Variants in GEM observed in about 807,000 individuals in gnomAD.
The protein encoded by GEM is GTP binding protein overexpressed in skeletal muscle.
Under a neutral mutation model 33.0 loss-of-function variants are expected in GEM, and 31 were observed. The observed-to-expected ratio is 0.94, with a 90% CI of 0.71 to 1.27. The LOEUF (loss-of-function observed/expected upper bound fraction) is 1.27, where lower values mean the gene tolerates loss of function less well. Ranked by LOEUF, GEM falls within the 50% of genes most tolerant of loss-of-function variation. The pLI is 0.00. For synonymous variants in GEM, 141 were observed against 143.7 expected, an observed-to-expected ratio of 0.98 and a Z score of 0.13; for missense variants, 354 against 390.5, an observed-to-expected ratio of 0.91 and a Z score of 0.79.
At position 94,257,476 on chromosome 8, in the gene GEM, C is replaced by T. The variant is rs961956189; in HGVS notation, c.331+2697G>A. Reference sequence around the variant, plus strand: ...GGATTACAGGCATGAGCCACCATGCCGGGCCAACCATGAAGCTCTTAAATC... The same window carrying T: ...GGATTACAGGCATGAGCCACCATGCTGGGCCAACCATGAAGCTCTTAAATC... On this transcript the variant is annotated intron_variant, in intron 2 of 4. Transcript: ENST00000297596. 1.2e-4 allele frequency among the ~76,000 whole-genome samples: 19 copies of T among 152,338 alleles called. No homozygotes were observed. In the East Asian group the frequency reaches 3.5e-3, roughly 28 times the overall value.
chr8:94,260,525 G>A lies in GEM; in HGVS notation c.-9-13C>T. 6.6e-7 allele frequency: 1 copy of A among 1,517,786 alleles called. No homozygotes were observed. Among genetic ancestry groups the A allele is most frequent in the Non-Finnish European group, 9.0e-7 (1 of 1,109,428 alleles). The allele number at this position is 1,517,786 out of a possible 1,614,324, so 94.0% of individuals were successfully genotyped here. On this transcript the variant is annotated splice_polypyrimidine_tract_variant and intron_variant, in intron 1 of 4. Coordinates refer to ENST00000297596, the MANE Select transcript of GEM (RefSeq NM_005261.4). ...TCATCGTTGAGTCCTGGGGAGCAAA[G>A]CAGCCAAGATGGCAGCATTAGTAAG...
At chr8:94,257,240 G>C (rs1270994181) in intron 2 of GEM, among the ~76,000 whole-genome samples, 1 of 151,880 alleles carries the variant, frequency 6.6e-6, no homozygotes, top group Non-Finnish European at 1.5e-5. Flanking sequence ...GAGTGCAATG[G>C]TGAGATCTCG....
chr8:94,254,421 C>T (rs533689661), intron 2 of GEM, among the ~76,000 whole-genome samples: 17 of 152,228 alleles, frequency 1.1e-4, no homozygotes, highest in African/African-American at 3.1e-4. Context: ...TGGGGGTCTA[C>T]GCAACTTAGG....
chr8:94,260,422 C>T lies in GEM; in HGVS notation c.82G>A (p.Gly28Ser). 1.2e-6 allele frequency: 2 copies of T among 1,614,008 alleles called. No individual in the cohort carries two copies. The highest frequency in any genetic ancestry group is 1.7e-6 in the Non-Finnish European group (2 of 1,179,970). Residue 28 changes from glycine to serine, a missense_variant, in exon 2 of 5, where the codon GGC (glycine) becomes AGC (serine). Coordinates refer to ENST00000297596, the MANE Select transcript of GEM (RefSeq NM_005261.4). Reference sequence around the variant, plus strand: ...TCTTTCTGGACCATCAGATGCCTGCCATCAGCTGGGATGCTCCAGCGCTGC... The same window carrying T: ...TCTTTCTGGACCATCAGATGCCTGCTATCAGCTGGGATGCTCCAGCGCTGC... ...QQQRWSIPAD[G>S]RHLMVQKEPH... is the part of the protein sequence containing the mutation.
Position 94,260,271 on chromosome 8 carries a change from A to G in GEM, c.233T>C (p.Val78Ala). The change falls in exon 2 of 5, where the codon GTG (valine) becomes GCG (alanine). Residue 78 changes from valine (V) to alanine (A), a missense_variant. Transcript: ENST00000297596. ...CACCCCCTGCTCCCCTATGAGCACC[A>G]CTCGGTAGTAGGTGTTCCCTGACTC... ...SSESGNTYYR[V>A]VLIGEQGVGK... is the part of the protein sequence containing the mutation. 6.2e-7 allele frequency: 1 copy of G among 1,613,512 alleles called. No homozygotes were observed. Among genetic ancestry groups the G allele is most frequent in the South Asian group, 1.1e-5 (1 of 91,066 alleles).
At chr8:94,253,325 T>C (rs1473568031) in intron 2 of GEM, among the ~76,000 whole-genome samples, 2 of 152,308 alleles carry the variant, frequency 1.3e-5, no homozygotes, top group East Asian at 3.9e-4. Context: ...CAGCAGAACG[T>C]CTCTCTCGAA....
intron 3 of GEM, among the ~76,000 whole-genome samples, chr8:94,252,804 T>C (rs2129755084): frequency 6.6e-6 from 1 of 152,314 alleles, no homozygotes; most frequent in South Asian, 2.1e-4. Flanking sequence ...TTTGGGTGTG[T>C]TTTTTAATAG....
intron 2 of GEM, among the ~76,000 whole-genome samples, chr8:94,254,268 G>C (rs1808839885): frequency 6.6e-6 from 1 of 152,118 alleles, no homozygotes; most frequent in Non-Finnish European, 1.5e-5. Flanking sequence ...TTGCATCTAT[G>C]CTGTTTACTG....
Position 94,260,264 on chromosome 8 carries a change from G to A in GEM, c.240C>T (p.Leu80=). Residue 80 remains leucine (L), a synonymous_variant, in exon 2 of 5, where the codon CTC becomes CTT. Coordinates refer to ENST00000297596, the MANE Select transcript of GEM (RefSeq NM_005261.4). ...ACTTGCCCACCCCCTGCTCCCCTAT[G>A]AGCACCACTCGGTAGTAGGTGTTCC... ...ESGNTYYRVV[L]IGEQGVGKST... is the part of the protein sequence containing the mutation. The A allele has an allele frequency of 6.2e-7, 1 of 1,614,054 alleles. No individual in the cohort carries two copies. Among genetic ancestry groups the A allele is most frequent in the South Asian group, 1.1e-5 (1 of 91,078 alleles).
chr8:94,260,001 T>C lies in GEM; in HGVS notation c.331+172A>G, dbSNP rs1808979406. The C allele has an allele frequency of 3.3e-5, 18 of 547,132 alleles. No individual in the cohort carries two copies. The South Asian group carries it at 4.8e-4, about 15-fold the overall frequency. The allele number at this position is 547,132 out of a possible 1,614,324, so 33.9% of individuals were successfully genotyped here. A position where few individuals can be genotyped will look rare whatever the true frequency, so the allele number is the denominator to read the frequency against. ...GTCCTGTCTACAAGCATTTTCATTT[T>C]CTTGCCCGAAAGCCTGTGCTTGGGC... On this transcript the variant is annotated intron_variant, in intron 2 of 4. Transcript: ENST00000297596.
intron 2 of GEM, among the ~76,000 whole-genome samples, chr8:94,254,719 T>C (rs1245605446): frequency 6.6e-6 from 1 of 152,164 alleles, no homozygotes; most frequent in Middle Eastern, 3.2e-3. Context: ...TAATGCTTCA[T>C]CATCTAAGAA....
Position 94,250,426 on chromosome 8 carries a change from T to C in GEM, c.775A>G (p.Lys259Glu), listed in dbSNP as rs1416532243. Reference sequence around the variant, plus strand: ...CTGGCTTTCCTGGGCATGCTCTCCTTCCTTTTCTGGTAGGCCAGCCGCCGT... The same window carrying C: ...CTGGCTTTCCTGGGCATGCTCTCCTCCCTTTTCTGGTAGGCCAGCCGCCGT... ...NERRLAYQKR[K>E]ESMPRKARRF... The change falls in exon 5 of 5, where the codon AAG (lysine) becomes GAG (glutamate). Residue 259 changes from lysine to glutamate, a missense_variant. Lys to Glu is a moderately conservative substitution (Grantham distance 56). Transcript: ENST00000297596. 6.2e-7 allele frequency: 1 copy of C among 1,614,092 alleles called. No homozygotes were observed. Among genetic ancestry groups the C allele is most frequent in the Non-Finnish European group, 8.5e-7 (1 of 1,180,038 alleles).
intron 1 of GEM, chr8:94,260,790 C>A (rs1464531046): frequency 1.2e-5 from 4 of 321,630 alleles, no homozygotes; most frequent in African/African-American, 2.1e-5. Flanking sequence ...TGCCCATGGG[C>A]TTCCCCCTTC....
chr8:94,254,394 C>T (rs557519301), intron 2 of GEM, among the ~76,000 whole-genome samples: 5 of 152,230 alleles, frequency 3.3e-5, no homozygotes, highest in African/African-American at 1.2e-4. Context: ...AATCCAGGTG[C>T]CATCCCTTAT....
At chr8:94,250,714 G>A in intron 4 of GEM, 127 bp from the exon 5 acceptor site, 2 of 657,300 alleles carry the variant, frequency 3.0e-6, no homozygotes, top group Non-Finnish European at 4.9e-6. Flanking sequence ...GGATGCTGCT[G>A]CGGCATGGGC....
chr8:94,250,381 C>T lies in GEM; in HGVS notation c.820G>A (p.Val274Met), dbSNP rs149831559. The T allele has an allele frequency of 1.1e-5, 17 of 1,613,988 alleles. No individual in the cohort carries two copies. Among genetic ancestry groups the T allele is most frequent in the Middle Eastern group, 3.3e-4 (2 of 6,084 alleles). Residue 274 changes from valine to methionine, a missense_variant, in exon 5 of 5, where the codon GTG becomes ATG. Transcript: ENST00000297596. ...GCCATATTCTTGTTGTTTTTGGCCACGATCTTGCCCCAGAAGCGCCTGGCT... is the reference window on the plus strand; with the variant it reads ...GCCATATTCTTGTTGTTTTTGGCCATGATCTTGCCCCAGAAGCGCCTGGCT... ...RKARRFWGKI[V>M]AKNNKNMAFK...
chr8:94,251,833 G>A (rs1808776004), intron 4 of GEM, among the ~76,000 whole-genome samples, 186 bp downstream of exon 4: 1 of 152,156 alleles, frequency 6.6e-6, no homozygotes, highest in African/African-American at 2.4e-5. Flanking sequence ...ATGGACAAGG[G>A]AGAACAACTA....
rs2129778610 is a variant in GEM at position 94,260,193 on chromosome 8, C to T, written c.311G>A (p.Ser104Asn). Residue 104 changes from serine (S) to asparagine (N), a missense_variant, in exon 2 of 5, where the codon AGC (serine) becomes AAC (asparagine). Coordinates refer to ENST00000297596, the MANE Select transcript of GEM (RefSeq NM_005261.4). ...IFAGVHDSMD[S>N]DCEVLGEDTY... ...CCTACCTCCCAGCACCTCGCAGTCG[C>T]TGTCCATGCTGTCATGCACACCTGC... 1 of 1,589,800 alleles carries T rather than the reference C, an allele frequency of 6.3e-7. No individual in the cohort carries two copies. The highest frequency in any genetic ancestry group is 2.3e-5 in the East Asian group (1 of 44,132).
chr8:94,253,894 T>C (rs1397485162), intron 2 of GEM, among the ~76,000 whole-genome samples: 1 of 152,194 alleles, frequency 6.6e-6, no homozygotes, highest in Non-Finnish European at 1.5e-5. Context: ...TTTTTGCAAG[T>C]GGGATTTCCC....
Sources: gnomAD v4.1 joint callset for allele counts (sites outside exome capture counted in the v4.1 genomes callset) on GRCh38, gnomAD v4.1.1 for gene constraint, MANE v1.5 for transcripts, NCBI Gene and HGNC (gene_info 2026-07-23, HGNC 2026-07-21) for gene names.